Variants in ZMYM2 observed in about 807,000 individuals in gnomAD.
ZMYM2 encodes the protein zinc finger MYM-type containing 2, also known as zinc finger MYM-type protein 2.
In ZMYM2, 56 loss-of-function variants were observed where a neutral mutation model predicts 162.8. That is an observed-to-expected ratio of 0.34 (90% CI 0.28 to 0.43). ZMYM2 has a LOEUF of 0.43. Ranked by LOEUF, ZMYM2 falls within the 20% of genes least tolerant of loss-of-function variation. The probability of loss-of-function intolerance (pLI) is 1.00; values close to 1 mark genes in which losing one functional copy is unlikely to be tolerated. For missense variants in ZMYM2, 1,275 were observed against 1,621.8 expected (o/e 0.79, Z 3.67); for synonymous variants, 510 against 541.6 (o/e 0.94, Z 0.81).
intron 6 of ZMYM2, among the ~76,000 whole-genome samples, chr13:20,016,647 A>G (rs576649085): frequency 4.6e-4 from 70 of 151,816 alleles, no homozygotes; most frequent in Admixed American, 6.6e-4. Flanking sequence ...TTTTTTCTCT[A>G]TTATTTTAAA....
At chr13:19,977,255 A>T (rs1956875101) in intron 2 of ZMYM2, among the ~76,000 whole-genome samples, 1 of 152,170 alleles carries the variant, frequency 6.6e-6, no homozygotes, top group South Asian at 2.1e-4. Flanking sequence ...TCCTGGGCTC[A>T]GGTGATCCTG....
rs1008105145 is a variant in ZMYM2, at chr13:19,993,316, A to G, written c.244A>G (p.Ile82Val). ...SVPVVADQRTITFTSSKNEEL... is the reference protein window; with the variant it reads ...SVPVVADQRTVTFTSSKNEEL... Reference sequence around the variant, plus strand: ...ACCAGTGGTAGCTGATCAAAGAACCATAACATTTACATCATCAAAAAATGA... The same window carrying G: ...ACCAGTGGTAGCTGATCAAAGAACCGTAACATTTACATCATCAAAAAATGA... Residue 82 changes from isoleucine (I) to valine (V), a missense_variant, in exon 3 of 25, where the codon ATA becomes GTA. Around this residue, in one of 10 missense-constraint regions of ZMYM2, gnomAD observed 295 missense variants for 286.7 expected, o/e 1.03. Transcript: ENST00000610343. 6.2e-6 allele frequency: 10 copies of G among 1,613,874 alleles called. No homozygotes were observed. Among genetic ancestry groups the G allele is most frequent in the East Asian group, 2.2e-5 (1 of 44,886 alleles).
intron 10 of ZMYM2, 51 bp downstream of exon 10, chr13:20,031,486 G>A (rs1482869367): frequency 1.7e-6 from 2 of 1,167,854 alleles, no homozygotes; most frequent in South Asian, 1.7e-5. Context: ...AGAAAGTCTA[G>A]TAAAATAAGT....
chr13:20,059,188 C>T (rs1956042838), intron 15 of ZMYM2, among the ~76,000 whole-genome samples: 1 of 151,450 alleles, frequency 6.6e-6, no homozygotes, highest in Non-Finnish European at 1.5e-5. Flanking sequence ...TCTGGAACTA[C>T]ATAGTGTTTT....
At position 20,027,263 on chromosome 13, in the gene ZMYM2, T is replaced by G; in HGVS notation, c.1796T>G (p.Met599Arg). ...TCTTTACCTCAATACCAAGCCACAA[T>G]GCCTGATGGAAAACTGTACAACTTT... ...RNSLPQYQAT[M>R]PDGKLYNFCN... is the part of the protein sequence containing the mutation. The change falls in exon 9 of 25, where the codon ATG (methionine) becomes AGG (arginine). Residue 599 changes from methionine (M) to arginine (R), a missense_variant. By Grantham distance (91) the Met-to-Arg change is moderately conservative. Transcript: ENST00000610343. 1 of 1,586,304 alleles carries G rather than the reference T, an allele frequency of 6.3e-7. No individual in the cohort carries two copies. Among genetic ancestry groups the G allele is most frequent in the South Asian group, 1.1e-5 (1 of 87,156 alleles).
intron 24 of ZMYM2, among the ~76,000 whole-genome samples, chr13:20,085,290 G>A (rs1337086921): frequency 6.6e-6 from 1 of 152,150 alleles, no homozygotes; most frequent in African/African-American, 2.4e-5. Context: ...CCATGGTTTA[G>A]GGTGGTCCTA....
intron 23 of ZMYM2, 103 bp downstream of exon 23, chr13:20,083,135 T>C (rs1404195023): frequency 1.6e-6 from 2 of 1,243,292 alleles, no homozygotes; most frequent in East Asian, 2.6e-5. Context: ...CAGTCTCGGC[T>C]CACCGCAACC....
chr13:19,870,636 G>A, the ZMYM2 span, among the ~76,000 whole-genome samples: 589 of 136,880 alleles, frequency 4.3e-3, 8 homozygotes, highest in African/African-American at 0.015. Flanking sequence ...ACAGAGTCTC[G>A]CTCTATTGCC....
At chr13:20,046,913 T>C (rs1954882455) in intron 12 of ZMYM2, among the ~76,000 whole-genome samples, 1 of 152,074 alleles carries the variant, frequency 6.6e-6, no homozygotes, top group Non-Finnish European at 1.5e-5. Flanking sequence ...ATACAAGAAA[T>C]ACTTTAGTCA....
the ZMYM2 span, among the ~76,000 whole-genome samples, chr13:19,952,357 G>A: frequency 6.6e-6 from 1 of 151,926 alleles, no homozygotes; most frequent in East Asian, 1.9e-4. Flanking sequence ...ATCAATAACA[G>A]TATATTGTAT....
At chr13:20,062,750 C>G (rs551748573) in intron 17 of ZMYM2, 96 bp from the exon 18 acceptor site, 1 of 1,203,262 alleles carries the variant, frequency 8.3e-7, no homozygotes, top group African/African-American at 1.5e-5. Flanking sequence ...TTTTATATTG[C>G]ATTTAAAATT....
chr13:19,973,006 G>T (rs946730758), intron 2 of ZMYM2, among the ~76,000 whole-genome samples: 1 of 150,390 alleles, frequency 6.6e-6, no homozygotes, highest in Non-Finnish European at 1.5e-5. Flanking sequence ...GTGCGATCTC[G>T]GCTCACTGCA....
intron 19 of ZMYM2, 44 bp downstream of exon 19, chr13:20,064,589 C>T (rs1956528430): frequency 2.1e-6 from 3 of 1,444,832 alleles, no homozygotes; most frequent in East Asian, 5.2e-5. Context: ...TCTCTATAGG[C>T]AAACAAGGAT....
the ZMYM2 span, among the ~76,000 whole-genome samples, chr13:19,932,121 A>G: frequency 6.6e-6 from 1 of 152,216 alleles, no homozygotes; most frequent in Non-Finnish European, 1.5e-5. Flanking sequence ...GAAATGTCCC[A>G]TATGCTAGAA....
In ZMYM2 at chr13:20,079,019, A is replaced by T. The variant is rs1173515133; in HGVS notation, c.3454-2997A>T. On this transcript the variant is annotated intron_variant, in intron 21 of 24. Transcript: ENST00000610343. ...TTAAAAAAGGAATTTATATTTAAAA[A>T]AAAAAAAGATACTTTTATTGGCTGG... is the stretch of plus-strand genomic sequence containing the variant. 2.0e-5 allele frequency among the ~76,000 whole-genome samples: 3 copies of T among 151,724 alleles called. No homozygotes were observed. The South Asian group carries it at 6.2e-4, about 31-fold the overall frequency.
chr13:19,962,083 A>C (rs1438156317), intron 2 of ZMYM2, among the ~76,000 whole-genome samples: 1 of 151,932 alleles, frequency 6.6e-6, no homozygotes, highest in Admixed American at 6.6e-5. Flanking sequence ...TTTGTATCTC[A>C]TGTGGTGAGA....
intron 21 of ZMYM2, chr13:20,071,986 G>A (rs1431753356): frequency 1.1e-5 from 2 of 186,250 alleles, no homozygotes; most frequent in Non-Finnish European, 2.4e-5. Context: ...AGTCCTCTGG[G>A]ATTGTCCTCT....
chr13:19,974,932 G>C (rs1392052957), intron 2 of ZMYM2, among the ~76,000 whole-genome samples: 1 of 152,152 alleles, frequency 6.6e-6, no homozygotes, highest in Non-Finnish European at 1.5e-5. Context: ...GTGGGCCTTT[G>C]TTAATATAAG....
intron 6 of ZMYM2, among the ~76,000 whole-genome samples, chr13:20,008,122 ATTG>A (rs1269213212): frequency 2.0e-5 from 3 of 151,882 alleles, no homozygotes; most frequent in African/African-American, 7.3e-5. Flanking sequence ...ACTAACTATA[ATTG>A]TTGTTGTTTT....
Sources: allele counts gnomAD v4.1 joint callset (sites outside exome capture counted in the v4.1 genomes callset), GRCh38; gene constraint gnomAD v4.1.1; regional missense constraint gnomAD v4.1.1; transcripts MANE v1.5; gene names NCBI Gene and HGNC (gene_info 2026-07-23, HGNC 2026-07-21).